The following PPP2R3A variants were observed in gnomAD, a reference collection of about 807,000 sequenced individuals.
PPP2R3A encodes the protein protein phosphatase 2 regulatory subunit B''alpha, also known as serine/threonine-protein phosphatase 2A regulatory subunit B'' subunit alpha.
Under a neutral mutation model 106.9 loss-of-function variants are expected in PPP2R3A, and 80 were observed. That is an observed-to-expected ratio of 0.75 (90% CI 0.62 to 0.90). The LOEUF (loss-of-function observed/expected upper bound fraction) is 0.90. PPP2R3A is among the 40% of genes least tolerant of loss of function. The pLI is 0.00. For synonymous variants in PPP2R3A, 483 were observed against 468.3 expected (o/e 1.03, Z -0.41); for missense variants, 1,386 against 1,350.4 (o/e 1.03, Z -0.41).
At chr3:136,056,355 A>G (rs1935860202) in intron 5 of PPP2R3A, among the ~76,000 whole-genome samples, 2 of 152,242 alleles carry the variant, frequency 1.3e-5, no homozygotes. Flanking sequence ...TGTCAATATC[A>G]GTTTAATTTT....
intron 7 of PPP2R3A, among the ~76,000 whole-genome samples, chr3:136,081,029 T>C (rs1936764363): frequency 6.6e-6 from 1 of 152,138 alleles, no homozygotes; most frequent in African/African-American, 2.4e-5. Flanking sequence ...AGTTTTGCCC[T>C]GTCGCCCAGG....
chr3:136,004,725 G>A (rs937335583), intron 2 of PPP2R3A, among the ~76,000 whole-genome samples: 3 of 152,168 alleles, frequency 2.0e-5, no homozygotes, highest in Non-Finnish European at 2.9e-5. Context: ...CAATGTTAAT[G>A]GTTAATCCTG....
chr3:136,093,278 A>G (rs1203299161), intron 10 of PPP2R3A, among the ~76,000 whole-genome samples: 1 of 152,126 alleles, frequency 6.6e-6, no homozygotes, highest in Non-Finnish European at 1.5e-5. Context: ...GCACAGCGGC[A>G]CGCGCCTGTG....
At chr3:136,051,325 T>TTTG (rs1158426117) in intron 5 of PPP2R3A, among the ~76,000 whole-genome samples, 1 of 152,122 alleles carries the variant, frequency 6.6e-6, no homozygotes, top group East Asian at 1.9e-4. Flanking sequence ...GCTGCCATGT[T>TTTG]TTGTTGTTGT....
chr3:136,135,960 T>C (rs1420067488), intron 13 of PPP2R3A, among the ~76,000 whole-genome samples: 2 of 143,976 alleles, frequency 1.4e-5, no homozygotes, highest in East Asian at 4.0e-4. Flanking sequence ...ATCATTTGAA[T>C]GAACCTAGGA....
intron 13 of PPP2R3A, among the ~76,000 whole-genome samples, chr3:136,111,274 G>C (rs949742014): frequency 6.6e-6 from 1 of 152,102 alleles, no homozygotes; most frequent in Non-Finnish European, 1.5e-5. Flanking sequence ...TATAAGAGTA[G>C]AGAAATATAG....
intron 1 of PPP2R3A, among the ~76,000 whole-genome samples, chr3:135,999,623 G>A (rs1207956186): frequency 6.6e-6 from 1 of 151,940 alleles, no homozygotes; most frequent in Non-Finnish European, 1.5e-5. Context: ...TACCCCTTGA[G>A]GTTTGGTTTT....
chr3:136,110,832 A>G (rs925780638), intron 13 of PPP2R3A, among the ~76,000 whole-genome samples: 18 of 152,354 alleles, frequency 1.2e-4, no homozygotes, highest in Admixed American at 1.2e-3. Context: ...CCCACAGACT[A>G]TAGTTGTCAA....
At chr3:136,082,186 CAG>C (rs1936798157) in intron 7 of PPP2R3A, 77 bp from the exon 8 acceptor site, 2 of 1,261,026 alleles carry the variant, frequency 1.6e-6, no homozygotes, top group Non-Finnish European at 2.2e-6. Flanking sequence ...CAGTTTAAAA[CAG>C]AAATTCGCTA....
intron 5 of PPP2R3A, among the ~76,000 whole-genome samples, chr3:136,070,090 A>T (rs1936379115): frequency 6.6e-6 from 1 of 152,132 alleles, no homozygotes; most frequent in African/African-American, 2.4e-5. Context: ...GATCATTTTC[A>T]TTGGCTTGCA....
In PPP2R3A at chr3:135,990,486, G is replaced by A. The variant is rs560435024; in HGVS notation, c.-440-10573G>A. Among the ~76,000 whole-genome samples, 3 of 152,174 alleles carry A rather than the reference G, an allele frequency of 2.0e-5. No individual in the cohort carries two copies. In the South Asian group the frequency reaches 6.2e-4, roughly 32 times the overall value. ...TTATCTCACAAATTCCTACAAACAA[G>A]CCGTGTTTGTTTTCTGTAATGCCCT... On this transcript the variant is annotated intron_variant, in intron 1 of 13. Transcript: ENST00000264977.
intron 1 of PPP2R3A, among the ~76,000 whole-genome samples, chr3:135,997,976 C>T (rs1416305624): frequency 1.3e-5 from 2 of 152,236 alleles, no homozygotes. Flanking sequence ...TACTCTTACT[C>T]TCTAGCCTAA....
At chr3:136,009,313 C>T (rs1285663453) in intron 2 of PPP2R3A, among the ~76,000 whole-genome samples, 1 of 152,068 alleles carries the variant, frequency 6.6e-6, no homozygotes, top group Non-Finnish European at 1.5e-5. Flanking sequence ...AAACCAGCCC[C>T]GCCCCAACTT....
At chr3:135,979,522 G>A (rs950666828) in intron 1 of PPP2R3A, among the ~76,000 whole-genome samples, 3 of 151,888 alleles carry the variant, frequency 2.0e-5, no homozygotes, top group Admixed American at 2.0e-4. Context: ...TCATCAGAGT[G>A]TGGGAACACG....
rs1384069313 is a variant in PPP2R3A at position 136,106,294 on chromosome 3, G to GA, written c.3303dup (p.Ser1102IlefsTer11). ...GGAGTATGAGACGCTTGTTGCAGAGGAATCTGCCCAAGCACAATTCCAGGA... is the reference window on the plus strand; with the variant it reads ...GGAGTATGAGACGCTTGTTGCAGAGGAAATCTGCCCAAGCACAATTCCAGGA... On this transcript the variant is annotated frameshift_variant, in exon 13 of 14. Transcript: ENST00000264977. LOFTEE classifies it high-confidence loss of function. The GA allele has an allele frequency of 2.5e-6, 4 of 1,613,750 alleles. No individual in the cohort carries two copies. The highest frequency in any genetic ancestry group is 3.4e-6 in the Non-Finnish European group (4 of 1,179,928).
At chr3:135,985,771 C>T (rs1398613873) in intron 1 of PPP2R3A, among the ~76,000 whole-genome samples, 1 of 152,064 alleles carries the variant, frequency 6.6e-6, no homozygotes, top group Non-Finnish European at 1.5e-5. Flanking sequence ...ACAAGATCAG[C>T]ATGATTAATG....
In PPP2R3A at chr3:136,070,498, T is replaced by C. The variant is rs759133694; in HGVS notation, c.2490T>C (p.Pro830=). 3 of 1,609,480 alleles carry C rather than the reference T, an allele frequency of 1.9e-6. No homozygotes were observed. The highest frequency in any genetic ancestry group is 1.1e-5 in the South Asian group (1 of 90,418). The part of the protein sequence containing the change: ...PLLQDVVDTH[P]GLTFLKDAPE... ...TTCAGGATGTGGTGGATACCCACCC[T>C]GGTCTCACGTTCCTGAAAGATGCTC... is the stretch of plus-strand genomic sequence containing the variant. The change falls in exon 6 of 14, where the codon CCT becomes CCC. Residue 830 remains proline (P), a synonymous_variant. Transcript: ENST00000264977.
chr3:136,002,350 G>A lies in PPP2R3A; in HGVS notation c.852G>A (p.Arg284=). Residue 284 remains arginine (R), a synonymous_variant, in exon 2 of 14, where the codon AGG becomes AGA. Coordinates refer to ENST00000264977, the MANE Select transcript of PPP2R3A (RefSeq NM_002718.5). The stretch of plus-strand genomic sequence containing the variant: ...CTGTCTATATGAATGTAATGACCAG[G>A]TTAGCATCCTATCTGAAAAAGTTAC... The part of the protein sequence containing the change: ...SETVYMNVMT[R]LASYLKKLPF... The A allele has an allele frequency of 6.2e-7, 1 of 1,613,806 alleles. No homozygotes were observed. Among genetic ancestry groups the A allele is most frequent in the Non-Finnish European group, 8.5e-7 (1 of 1,179,842 alleles).
intron 1 of PPP2R3A, among the ~76,000 whole-genome samples, chr3:135,966,976 G>T (rs1182620967): frequency 6.6e-6 from 1 of 151,852 alleles, no homozygotes; most frequent in Admixed American, 6.6e-5. Flanking sequence ...TAGGCAGCCG[G>T]CTTGTGTTGT....
Sources: allele counts gnomAD v4.1 joint callset (sites outside exome capture counted in the v4.1 genomes callset), GRCh38; gene constraint gnomAD v4.1.1; transcripts MANE v1.5; gene names NCBI Gene and HGNC (gene_info 2026-07-23, HGNC 2026-07-21).